The following CA12 variants were observed in gnomAD, a reference collection of about 807,000 sequenced individuals.
CA12 encodes the protein carbonate dehydratase XII.
A neutral mutation model predicts 46.8 loss-of-function variants in CA12; 36 were observed. The observed-to-expected ratio is 0.77, with a 90% CI of 0.59 to 1.02. The LOEUF (loss-of-function observed/expected upper bound fraction) is 1.02, where lower values mean the gene tolerates loss of function less well. Ranked by LOEUF, CA12 falls within the 50% of genes least tolerant of loss-of-function variation. The pLI, the probability that CA12 is intolerant of heterozygous loss-of-function variation, is 0.00. For missense variants in CA12, 436 were observed against 451.4 expected, an observed-to-expected ratio of 0.97 and a Z score of 0.31; for synonymous variants, 202 against 187.0, an observed-to-expected ratio of 1.08 and a Z score of -0.65.
rs866203688 is a variant in CA12, at chr15:63,348,789, G to A, written c.107-2080C>T. On this transcript the variant is annotated intron_variant, in intron 2 of 10. Coordinates refer to ENST00000178638, the MANE Select transcript of CA12 (RefSeq NM_001218.5). The surrounding 1 kb of genome is among the most constrained non-coding windows in gnomAD (Gnocchi z 4.6). ...GTGAAGATAGGGACCCCTCATCTTC[G>A]TCTCTGTGAACCCATATTATAAGTA... Among the ~76,000 whole-genome samples, 17 of 152,146 alleles carry A rather than the reference G, an allele frequency of 1.1e-4. No homozygotes were observed. Among genetic ancestry groups the A allele is most frequent in the African/African-American group, 3.1e-4 (13 of 41,430 alleles).
In CA12 at chr15:63,322,313, AC is replaced by A. The variant is rs1168761119; in HGVS notation, c.*3971del. 2.0e-5 allele frequency: 3 copies of A among 152,204 alleles called. No homozygotes were observed. The highest frequency in any genetic ancestry group is 4.8e-5 in the African/African-American group (2 of 41,450). 9.4% of individuals were successfully genotyped at this position (152,204 alleles called of 1,614,324 possible). A position where few individuals can be genotyped will look rare whatever the true frequency, so the allele number is the denominator to read the frequency against. ...TTTCAAAGATTTACTGCAGAAAAAA[AC>A]ACATGAAAATACTGGTTACATGTGG... On this transcript the variant is annotated 3_prime_UTR_variant, in exon 11 of 11. Transcript: ENST00000178638. The surrounding 1 kb of genome is among the most constrained non-coding windows in gnomAD (Gnocchi z 4.1).
chr15:63,327,246 T>C lies in CA12; in HGVS notation c.908-13A>G, dbSNP rs776368428. On this transcript the variant is annotated splice_polypyrimidine_tract_variant and intron_variant, in intron 9 of 10. Transcript: ENST00000178638. This position sits in a 1 kb window ranked among gnomAD's most constrained non-coding sequence, Gnocchi z 4.5. ...GAGAGGATGATGCCTGGTGAAGAGGTAGAGGGCACACATTACATTCCTTCC... is the reference window on the plus strand; with the variant it reads ...GAGAGGATGATGCCTGGTGAAGAGGCAGAGGGCACACATTACATTCCTTCC... The C allele has an allele frequency of 2.5e-5, 41 of 1,608,780 alleles. No homozygotes were observed. The Admixed American group carries it at 6.7e-4, about 26-fold the overall frequency.
chr15:63,332,082 G>C (rs939478387), intron 8 of CA12, among the ~76,000 whole-genome samples: 1 of 152,192 alleles, frequency 6.6e-6, no homozygotes, highest in Non-Finnish European at 1.5e-5. Context: ...AGGTCAGAGA[G>C]TTTAGATTTA....
Position 63,328,789 on chromosome 15 carries a change from C to T in CA12, c.875-659G>A, listed in dbSNP as rs570116423. 2.0e-4 allele frequency among the ~76,000 whole-genome samples: 31 copies of T among 152,336 alleles called. 1 individual carries two copies. The East Asian group carries it at 3.3e-3, about 16-fold the overall frequency. On this transcript the variant is annotated intron_variant, in intron 8 of 10. Transcript: ENST00000178638. This position sits in a 1 kb window ranked among gnomAD's most constrained non-coding sequence, Gnocchi z 5.9. Reference sequence around the variant, plus strand: ...AATCTTGGCTCACTGCAACCTCCACCTCCTGGGTTCAAGCAATTCTCATGC... The same window carrying T: ...AATCTTGGCTCACTGCAACCTCCACTTCCTGGGTTCAAGCAATTCTCATGC...
rs1459548541 is a variant in CA12 at position 63,381,725 on chromosome 15, G to A, written c.-5C>T. On this transcript the variant is annotated 5_prime_UTR_variant, in exon 1 of 11. Transcript: ENST00000178638. The stretch of plus-strand genomic sequence containing the variant: ...GTGCAGGCTGCGCCGGGGCATCTTC[G>A]CGGGCTCCTGCGGGGCGGGCGCGGG... 3 of 1,577,138 alleles carry A rather than the reference G, an allele frequency of 1.9e-6. No homozygotes were observed. Among genetic ancestry groups the A allele is most frequent in the Non-Finnish European group, 1.7e-6 (2 of 1,161,832 alleles).
In CA12 at chr15:63,374,334, C is replaced by A. The variant is rs1391923598; in HGVS notation, c.106+1324G>T. Among the ~76,000 whole-genome samples the A allele has an allele frequency of 6.6e-6, 1 of 152,210 alleles. No homozygotes were observed. Among genetic ancestry groups the A allele is most frequent in the Non-Finnish European group, 1.5e-5 (1 of 68,042 alleles). ...CACTCACCGAATCCTCCTTATCTTC[C>A]AAGGCCCAGGTGAAAGCCCTCCTCC... On this transcript the variant is annotated intron_variant, in intron 2 of 10. Coordinates refer to ENST00000178638, the MANE Select transcript of CA12 (RefSeq NM_001218.5). This position sits in a 1 kb window ranked among gnomAD's most constrained non-coding sequence, Gnocchi z 4.4.
At position 63,322,316 on chromosome 15, in the gene CA12, C is replaced by T. The variant is rs530645983; in HGVS notation, c.*3969G>A. The T allele has an allele frequency of 5.9e-5, 9 of 151,794 alleles. No individual in the cohort carries two copies. The highest frequency in any genetic ancestry group is 3.3e-4 in the Admixed American group (5 of 15,248). 9.4% of individuals were successfully genotyped at this position (151,794 alleles called of 1,614,324 possible). On this transcript the variant is annotated 3_prime_UTR_variant, in exon 11 of 11. Coordinates refer to ENST00000178638, the MANE Select transcript of CA12 (RefSeq NM_001218.5). This position sits in a 1 kb window ranked among gnomAD's most constrained non-coding sequence, Gnocchi z 4.1. ...CAAAGATTTACTGCAGAAAAAAACA[C>T]ATGAAAATACTGGTTACATGTGGAA...
intron 2 of CA12, among the ~76,000 whole-genome samples, chr15:63,371,423 G>T (rs915160853): frequency 6.6e-6 from 1 of 152,140 alleles, no homozygotes; most frequent in Non-Finnish European, 1.5e-5. Flanking sequence ...CTGGCCTGCC[G>T]CAACAGAGAA....
At chr15:63,338,472 A>G (rs1467689342) in intron 8 of CA12, among the ~76,000 whole-genome samples, 6 of 152,206 alleles carry the variant, frequency 3.9e-5, no homozygotes, top group Admixed American at 2.0e-4. Context: ...GTCTGATCTC[A>G]TGGAAAGGGT....
chr15:63,339,095 A>T lies in CA12; in HGVS notation c.748-150T>A. 1.0e-6 allele frequency: 1 copy of T among 987,042 alleles called. No individual in the cohort carries two copies. Among genetic ancestry groups the T allele is most frequent in the Non-Finnish European group, 1.5e-6 (1 of 648,280 alleles). 61.1% of individuals were successfully genotyped at this position (987,042 alleles called of 1,614,324 possible). A position where few individuals can be genotyped will look rare whatever the true frequency, so the allele number is the denominator to read the frequency against. ...GTGGGAGATATTAGAAAGCAGAGGG[A>T]AAGCCACAGAACTGCTTCCCTCCAC... On this transcript the variant is annotated intron_variant, in intron 7 of 10. Transcript: ENST00000178638. This position sits in a 1 kb window ranked among gnomAD's most constrained non-coding sequence, Gnocchi z 4.3.
At chr15:63,352,254 G>A (rs1000761724) in intron 2 of CA12, among the ~76,000 whole-genome samples, 1 of 152,124 alleles carries the variant, frequency 6.6e-6, no homozygotes, top group Non-Finnish European at 1.5e-5. Flanking sequence ...ATGGGGTTTC[G>A]CCATGTTGGC....
chr15:63,352,007 G>A (rs2039238520), intron 2 of CA12, among the ~76,000 whole-genome samples: 1 of 152,256 alleles, frequency 6.6e-6, no homozygotes, highest in Middle Eastern at 3.4e-3. Flanking sequence ...AAGGGTGTAT[G>A]CGTGGTGGTT....
At chr15:63,366,254 A>T (rs190609115) in intron 2 of CA12, among the ~76,000 whole-genome samples, 1 of 151,304 alleles carries the variant, frequency 6.6e-6, no homozygotes, top group East Asian at 1.9e-4. Context: ...CCCTTCCCTC[A>T]TCACTGAGGT....
Position 63,340,500 on chromosome 15 carries a change from G to A in CA12, c.590-55C>T. 6.2e-7 allele frequency: 1 copy of A among 1,605,600 alleles called. No homozygotes were observed. The highest frequency in any genetic ancestry group is 1.1e-5 in the South Asian group (1 of 90,908). ...GTCAGCCTCCCTCCGTAGGGCATAA[G>A]TGCAGCTGAACAGAGCGACTGAGCC... On this transcript the variant is annotated intron_variant, in intron 6 of 10. Transcript: ENST00000178638. This position sits in a 1 kb window ranked among gnomAD's most constrained non-coding sequence, Gnocchi z 4.4.
intron 2 of CA12, 35 bp downstream of exon 2, chr15:63,375,623 T>G: frequency 1.4e-6 from 2 of 1,384,170 alleles, no homozygotes; most frequent in African/African-American, 2.8e-5. Context: ...TTCTATTTTC[T>G]TTTCAACAAA....
intron 1 of CA12, among the ~76,000 whole-genome samples, chr15:63,381,172 T>TTG (rs1446333179): frequency 6.6e-6 from 1 of 152,162 alleles, no homozygotes. Context: ...TAGGTAAGAC[T>TTG]TAATGGTAAA....
Position 63,340,342 on chromosome 15 carries a change from G to A in CA12, c.693C>T (p.Asn231=), listed in dbSNP as rs1319787957. The A allele has an allele frequency of 4.3e-6, 7 of 1,614,180 alleles. No individual in the cohort carries two copies. The highest frequency in any genetic ancestry group is 5.1e-6 in the Non-Finnish European group (6 of 1,180,038). Residue 231 remains asparagine, a synonymous_variant, in exon 7 of 11, where the codon AAC becomes AAT. Coordinates refer to ENST00000178638, the MANE Select transcript of CA12 (RefSeq NM_001218.5). The surrounding 1 kb of genome is among the most constrained non-coding windows in gnomAD (Gnocchi z 4.4). Reference sequence around the variant, plus strand: ...GGAAAACTGTCCAGAGCACAGTGGGGTTGCAAGGGGGTGTGGTCAGGGACC... The same window carrying A: ...GGAAAACTGTCCAGAGCACAGTGGGATTGCAAGGGGGTGTGGTCAGGGACC... The part of the protein sequence containing the change: ...YRGSLTTPPC[N]PTVLWTVFRN...
rs1443065264 is a variant in CA12 at position 63,339,973 on chromosome 15, T to C, written c.747+315A>G. On this transcript the variant is annotated intron_variant, in intron 7 of 10. Coordinates refer to ENST00000178638, the MANE Select transcript of CA12 (RefSeq NM_001218.5). This position sits in a 1 kb window ranked among gnomAD's most constrained non-coding sequence, Gnocchi z 4.3. ...ATCTGATCCTGTCTTTATTCTGCCC[T>C]GTAAAGGAACCAGGCTCTCTCCTGC... 2.5e-6 allele frequency: 1 copy of C among 399,528 alleles called. No individual in the cohort carries two copies. Among genetic ancestry groups the C allele is most frequent in the Non-Finnish European group, 4.7e-6 (1 of 210,932 alleles). The allele number at this position is 399,528 out of a possible 1,614,324, so 24.7% of individuals were successfully genotyped here. A position where few individuals can be genotyped will look rare whatever the true frequency, so the allele number is the denominator to read the frequency against.
At chr15:63,380,354 G>C (rs1247856674) in intron 1 of CA12, among the ~76,000 whole-genome samples, 3 of 152,242 alleles carry the variant, frequency 2.0e-5, no homozygotes, top group Middle Eastern at 3.4e-3. Context: ...AAAAGAGAGA[G>C]AAGGGAGGCA....
Sources: gnomAD v4.1 joint callset for allele counts (sites outside exome capture counted in the v4.1 genomes callset) on GRCh38, gnomAD v4.1.1 for gene constraint, Gnocchi (gnomAD v3.1) non-coding constraint, MANE v1.5 for transcripts, NCBI Gene and HGNC (gene_info 2026-07-23, HGNC 2026-07-21) for gene names.